Variants in ASTN2 observed in about 807,000 individuals in gnomAD.
ASTN2 encodes the protein astrotactin-2.
ASTN2 carries 54 observed loss-of-function variants against 139.8 expected under a neutral mutation model. That is an observed-to-expected ratio of 0.39 (90% CI 0.31 to 0.48). ASTN2 has a LOEUF of 0.48. Among genes scored for constraint, ASTN2 ranks in the 20% least tolerant of loss-of-function variants. ASTN2 has a pLI of 0.95. For missense variants in ASTN2, 1,565 were observed against 1,725.1 expected, an observed-to-expected ratio of 0.91 and a Z score of 1.64; for synonymous variants, 756 against 719.5, an observed-to-expected ratio of 1.05 and a Z score of -0.81.
Position 116,515,224 on chromosome 9 carries a change from T to C in ASTN2, c.3356-27724A>G, listed in dbSNP as rs575688689. ...TATGAATCCTAGCTTTCCCTGTGTT[T>C]TCTTGTGACAGCACCCTGACTTTGT... On this transcript the variant is annotated intron_variant, in intron 19 of 22. Coordinates refer to ENST00000313400, the MANE Select transcript of ASTN2 (RefSeq NM_001365068.1). Among the ~76,000 whole-genome samples the C allele has an allele frequency of 2.0e-5, 3 of 152,338 alleles. No homozygotes were observed. The South Asian group carries it at 6.2e-4, about 32-fold the overall frequency.
chr9:116,427,973 G>A (rs1847362258), intron 22 of ASTN2, among the ~76,000 whole-genome samples: 2 of 152,250 alleles, frequency 1.3e-5, no homozygotes, highest in South Asian at 2.1e-4. Context: ...AAATGAGGCT[G>A]TTGTGAAGTT....
At chr9:117,007,969 C>T (rs989515447) in intron 7 of ASTN2, 123 bp downstream of exon 7, 2 of 1,074,864 alleles carry the variant, frequency 1.9e-6, no homozygotes, top group Non-Finnish European at 2.5e-6. Flanking sequence ...GATTGATGGG[C>T]CTTCTTATTC....
At chr9:116,791,709 G>C (rs554491408) in intron 13 of ASTN2, among the ~76,000 whole-genome samples, 14 of 152,166 alleles carry the variant, frequency 9.2e-5, no homozygotes, top group African/African-American at 1.4e-4. Flanking sequence ...CTTTCTGAGC[G>C]TTTAGACCAG....
intron 2 of ASTN2, among the ~76,000 whole-genome samples, chr9:117,243,231 C>T (rs939765504): frequency 2.2e-4 from 34 of 152,182 alleles, no homozygotes; most frequent in African/African-American, 7.7e-4. Context: ...GGTTTTCTCA[C>T]TACAAAACAC....
chr9:116,545,286 T>G (rs999504401), intron 19 of ASTN2, among the ~76,000 whole-genome samples: 1 of 152,236 alleles, frequency 6.6e-6, no homozygotes, highest in Non-Finnish European at 1.5e-5. Flanking sequence ...TAATTACACA[T>G]GGTCCTAAAA....
chr9:116,638,882 T>C (rs1180343099), intron 17 of ASTN2, among the ~76,000 whole-genome samples: 3 of 152,210 alleles, frequency 2.0e-5, no homozygotes, highest in Non-Finnish European at 1.5e-5. Flanking sequence ...TTATCGTTCA[T>C]TTAGGAATCC....
chr9:116,915,943 G>T (rs1460941326), intron 10 of ASTN2, among the ~76,000 whole-genome samples: 2 of 152,182 alleles, frequency 1.3e-5, no homozygotes, highest in African/African-American at 2.4e-5. Flanking sequence ...CCAAGTCAGA[G>T]GGAACTGTGA....
chr9:117,127,675 T>TG, intron 4 of ASTN2, among the ~76,000 whole-genome samples: 1 of 107,300 alleles, frequency 9.3e-6, no homozygotes, highest in African/African-American at 5.1e-5. Context: ...TGTTTTGGTT[T>TG]TTTTTTTTTT....
chr9:116,948,133 T>C (rs1482459505), intron 10 of ASTN2, among the ~76,000 whole-genome samples: 1 of 152,220 alleles, frequency 6.6e-6, no homozygotes, highest in African/African-American at 2.4e-5. Context: ...GATTTTGATT[T>C]GCCCATGAGG....
intron 1 of ASTN2, among the ~76,000 whole-genome samples, chr9:117,386,842 G>T (rs1013881941): frequency 1.1e-4 from 17 of 152,140 alleles, no homozygotes; most frequent in Non-Finnish European, 2.4e-4. Context: ...TACACCCACA[G>T]AGCTTACTAC....
At chr9:117,206,417 G>C (rs1831925807) in intron 3 of ASTN2, among the ~76,000 whole-genome samples, 1 of 152,148 alleles carries the variant, frequency 6.6e-6, no homozygotes, top group Non-Finnish European at 1.5e-5. Context: ...CCAGTTTAAA[G>C]AGCCACCAAG....
intron 16 of ASTN2, among the ~76,000 whole-genome samples, chr9:116,653,996 A>C (rs1476363806): frequency 6.6e-6 from 1 of 152,244 alleles, no homozygotes; most frequent in African/African-American, 2.4e-5. Flanking sequence ...TCTTATATCC[A>C]GACCTTTCAA....
rs762474655 is a variant in ASTN2, at chr9:116,440,807, G to A, written c.3599-15C>T. On this transcript the variant is annotated splice_polypyrimidine_tract_variant and intron_variant, in intron 21 of 22. Coordinates refer to ENST00000313400, the MANE Select transcript of ASTN2 (RefSeq NM_001365068.1). The stretch of plus-strand genomic sequence containing the variant: ...GTCAGCTATTTCTGAGAGGGCAGAA[G>A]GGCAGAAACAGATCACTGGGTGGTG... 9 of 1,606,402 alleles carry A rather than the reference G, an allele frequency of 5.6e-6. No homozygotes were observed. The African/African-American group carries it at 6.7e-5, about 12-fold the overall frequency.
chr9:116,443,078 TA>T (rs1847885640), intron 20 of ASTN2, among the ~76,000 whole-genome samples: 1 of 152,092 alleles, frequency 6.6e-6, no homozygotes, highest in Non-Finnish European at 1.5e-5. Flanking sequence ...AGATAATGGT[TA>T]AGTGTGAAAG....
At chr9:117,194,694 T>C (rs929169789) in intron 3 of ASTN2, among the ~76,000 whole-genome samples, 5 of 152,200 alleles carry the variant, frequency 3.3e-5, no homozygotes, top group African/African-American at 1.2e-4. Flanking sequence ...GAGTAATACA[T>C]GTTGTGTTAT....
At chr9:117,001,495 G>A (rs906679735) in intron 7 of ASTN2, among the ~76,000 whole-genome samples, 1 of 151,934 alleles carries the variant, frequency 6.6e-6, no homozygotes, top group Non-Finnish European at 1.5e-5. Flanking sequence ...ACCTTTTAAT[G>A]ACCTCTCTTC....
At chr9:116,549,942 C>T (rs1852270293) in intron 19 of ASTN2, among the ~76,000 whole-genome samples, 1 of 152,188 alleles carries the variant, frequency 6.6e-6, no homozygotes, top group South Asian at 2.1e-4. Flanking sequence ...ATTTACTACT[C>T]CTCACCTTTG....
At chr9:117,066,408 C>T (rs1827945668) in intron 5 of ASTN2, among the ~76,000 whole-genome samples, 1 of 148,136 alleles carries the variant, frequency 6.8e-6, no homozygotes, top group Non-Finnish European at 1.5e-5. Context: ...TTTCTTAATC[C>T]AGTCTATCAT....
At chr9:116,802,188 G>A (rs759676219) in intron 13 of ASTN2, among the ~76,000 whole-genome samples, 15 of 147,690 alleles carry the variant, frequency 1.0e-4, no homozygotes, top group Non-Finnish European at 1.9e-4. Context: ...CCGGGTTTAC[G>A]CCCTTCTCCT....
Sources: gnomAD v4.1 joint callset for allele counts (sites outside exome capture counted in the v4.1 genomes callset) on GRCh38, gnomAD v4.1.1 for gene constraint, MANE v1.5 for transcripts, NCBI Gene and HGNC (gene_info 2026-07-23, HGNC 2026-07-21) for gene names.